B3GALT1: variants seen among roughly 807,000 people sequenced by gnomAD.
B3GALT1 encodes UDP-Gal:betaGlcNAc beta 1,3-galactosyltransferase, polypeptide 1.
A neutral mutation model predicts 23.2 loss-of-function variants in B3GALT1; 10 were observed. The observed-to-expected ratio is 0.43, with a 90% confidence interval of 0.27 to 0.73. The LOEUF (loss-of-function observed/expected upper bound fraction) is 0.73, where lower values mean the gene tolerates loss of function less well. B3GALT1 is among the 30% of genes least tolerant of loss of function. The probability of loss-of-function intolerance (pLI) is 0.21; values close to 1 mark genes in which losing one functional copy is unlikely to be tolerated. For synonymous variants in B3GALT1, 156 were observed against 141.5 expected (o/e 1.10, Z -0.73); for missense variants, 299 against 405.4 (o/e 0.74, Z 2.25).
At chr2:167,650,240 C>G (rs565738910) in intron 3 of B3GALT1, among the ~76,000 whole-genome samples, 2 of 149,166 alleles carry the variant, frequency 1.3e-5, no homozygotes, top group Non-Finnish European at 3.0e-5. Context: ...ATTGTTGAAC[C>G]ACCCTTGCAT....
intron 2 of B3GALT1, among the ~76,000 whole-genome samples, chr2:167,557,544 T>G (rs1035572625): frequency 3.3e-5 from 5 of 152,244 alleles, no homozygotes; most frequent in Non-Finnish European, 7.3e-5. Context: ...ACCCTCGTTC[T>G]TTCTTTCTGC....
chr2:167,312,644 T>C (rs1209491315), intron 1 of B3GALT1, among the ~76,000 whole-genome samples: 1 of 152,116 alleles, frequency 6.6e-6, no homozygotes, highest in Admixed American at 6.6e-5. Context: ...TGGTCTTGTT[T>C]AAGGATATAG....
At chr2:167,335,162 T>C (rs577377936) in intron 1 of B3GALT1, among the ~76,000 whole-genome samples, 1 of 152,176 alleles carries the variant, frequency 6.6e-6, no homozygotes, top group East Asian at 1.9e-4. Flanking sequence ...GTTCTTGATC[T>C]GTTTTTTCCA....
At chr2:167,640,994 G>A (rs142643479) in intron 2 of B3GALT1, among the ~76,000 whole-genome samples, 2 of 152,054 alleles carry the variant, frequency 1.3e-5, no homozygotes, top group Admixed American at 1.3e-4. Flanking sequence ...TCTATTCAAA[G>A]CCTACCTATC....
chr2:167,503,919 T>G (rs1699881858), intron 2 of B3GALT1, among the ~76,000 whole-genome samples: 1 of 152,188 alleles, frequency 6.6e-6, no homozygotes, highest in South Asian at 2.1e-4. Context: ...TTTTCTTATA[T>G]TCTAGGTGTC....
intron 3 of B3GALT1, among the ~76,000 whole-genome samples, chr2:167,798,723 T>C (rs1186139691): frequency 2.0e-5 from 3 of 152,190 alleles, no homozygotes; most frequent in Non-Finnish European, 4.4e-5. Flanking sequence ...GCATGATGCC[T>C]CCAACTTTGT....
chr2:167,449,741 G>T (rs1165108765), intron 1 of B3GALT1, among the ~76,000 whole-genome samples: 1 of 152,120 alleles, frequency 6.6e-6, no homozygotes, highest in Non-Finnish European at 1.5e-5. Context: ...GTCATAGATG[G>T]CTTTTACTAC....
intron 4 of B3GALT1, among the ~76,000 whole-genome samples, chr2:167,848,850 G>T (rs1245329963): frequency 6.6e-6 from 1 of 152,094 alleles, no homozygotes; most frequent in Admixed American, 6.5e-5. Flanking sequence ...AAACCCTAAC[G>T]ACTCCTCCAG....
chr2:167,348,530 A>G (rs1051813036), intron 1 of B3GALT1, among the ~76,000 whole-genome samples: 1 of 152,188 alleles, frequency 6.6e-6, no homozygotes, highest in African/African-American at 2.4e-5. Flanking sequence ...ACCATATTAA[A>G]TGACCTAAAT....
chr2:167,864,777 T>C (rs1320984307), intron 4 of B3GALT1, among the ~76,000 whole-genome samples: 1 of 152,116 alleles, frequency 6.6e-6, no homozygotes, highest in African/African-American at 2.4e-5. Flanking sequence ...ATCTGTCAAA[T>C]GGAGAAAATT....
At chr2:167,753,724 C>T (rs1687773916) in intron 3 of B3GALT1, among the ~76,000 whole-genome samples, 1 of 152,196 alleles carries the variant, frequency 6.6e-6, no homozygotes, top group South Asian at 2.1e-4. Flanking sequence ...TCTCATGTTA[C>T]TGTTCTACAT....
chr2:167,527,882 A>G (rs1683249084), intron 2 of B3GALT1, among the ~76,000 whole-genome samples: 1 of 152,170 alleles, frequency 6.6e-6, no homozygotes, highest in South Asian at 2.1e-4. Context: ...AGAATATTAA[A>G]GTTATTTGTT....
At chr2:167,691,079 T>A (rs1017079384) in intron 3 of B3GALT1, among the ~76,000 whole-genome samples, 2 of 152,174 alleles carry the variant, frequency 1.3e-5, no homozygotes, top group African/African-American at 4.8e-5. Context: ...AAATAATTGA[T>A]GTTTAAATTC....
intron 2 of B3GALT1, among the ~76,000 whole-genome samples, chr2:167,595,499 A>G (rs1204052027): frequency 9.3e-6 from 1 of 108,082 alleles, no homozygotes; most frequent in Non-Finnish European, 2.1e-5. Context: ...GTGTGTATGT[A>G]TATGTTCGGG....
intron 1 of B3GALT1, among the ~76,000 whole-genome samples, chr2:167,296,285 C>G (rs183525949): frequency 5.4e-4 from 82 of 152,224 alleles, no homozygotes; most frequent in Non-Finnish European, 9.0e-4. Context: ...TGAAATAAAA[C>G]TTATTTAATT....
intron 2 of B3GALT1, among the ~76,000 whole-genome samples, chr2:167,538,084 A>G (rs557470244): frequency 2.1e-4 from 32 of 152,120 alleles, no homozygotes; most frequent in African/African-American, 4.3e-4. Flanking sequence ...TGGCCTCCCA[A>G]AGTGCTGGGA....
At position 167,524,231 on chromosome 2, in the gene B3GALT1, T is replaced by G. The variant is rs528558094; in HGVS notation, c.-410+33954T>G. On this transcript the variant is annotated intron_variant, in intron 2 of 4. Transcript: ENST00000392690. The stretch of plus-strand genomic sequence containing the variant: ...TTGGACATATTTTTGTCATATATAT[T>G]GCTTTTCTTCAAATCATACTAATTT... Among the ~76,000 whole-genome samples, 111 of 152,320 alleles carry G rather than the reference T, an allele frequency of 7.3e-4. 1 individual carries two copies. The highest frequency in any genetic ancestry group is 6.8e-3 in the Middle Eastern group (2 of 294).
intron 3 of B3GALT1, among the ~76,000 whole-genome samples, chr2:167,698,624 C>T (rs1025985394): frequency 6.6e-6 from 1 of 152,156 alleles, no homozygotes; most frequent in Admixed American, 6.5e-5. Context: ...ATGAGATAGA[C>T]TTACTGGCTT....
intron 2 of B3GALT1, among the ~76,000 whole-genome samples, chr2:167,552,428 A>G (rs1683764813): frequency 6.6e-6 from 1 of 152,208 alleles, no homozygotes; most frequent in South Asian, 2.1e-4. Context: ...AGAATATAAA[A>G]ATAAAAATAC....
Sources: allele counts gnomAD v4.1 joint callset (sites outside exome capture counted in the v4.1 genomes callset), GRCh38; gene constraint gnomAD v4.1.1; transcripts MANE v1.5; gene names NCBI Gene and HGNC (gene_info 2026-07-23, HGNC 2026-07-21).